The following PCDHGA4 variants were observed in gnomAD, a reference collection of about 807,000 sequenced individuals.
The protein encoded by PCDHGA4 is protocadherin gamma-A4.
A neutral mutation model predicts 54.6 loss-of-function variants in PCDHGA4; 38 were observed. The observed-to-expected ratio is 0.70, with a 90% CI of 0.54 to 0.91. The LOEUF is 0.91. Ranked by LOEUF, PCDHGA4 falls within the 40% of genes least tolerant of loss-of-function variation. The pLI, the probability that PCDHGA4 is intolerant of heterozygous loss-of-function variation, is 0.00. For missense variants in PCDHGA4, 1,298 were observed against 1,220.9 expected (o/e 1.06, Z -0.94); for synonymous variants, 511 against 512.9 (o/e 1.00, Z 0.05).
intron 1 of PCDHGA4, chr5:141,374,429 C>A: frequency 6.2e-7 from 1 of 1,613,972 alleles, no homozygotes. Context: ...TAAACTGAAT[C>A]TTTATCCCGT....
At position 141,431,421 on chromosome 5, in the gene PCDHGA4, T is replaced by A. The variant is rs2097372202; in HGVS notation, c.2515-63386T>A. On this transcript the variant is annotated intron_variant, in intron 1 of 3. Transcript: ENST00000571252. The surrounding 1 kb of genome is among the most constrained non-coding windows in gnomAD (Gnocchi z 4.8). The stretch of plus-strand genomic sequence containing the variant: ...ACGGCCTCCGACGGGGGCGACCCGG[T>A]GCGCACAGGCACCGCGCGCATCCGC... 1 of 1,613,580 alleles carries A rather than the reference T, an allele frequency of 6.2e-7. No individual in the cohort carries two copies. The highest frequency in any genetic ancestry group is 1.1e-5 in the South Asian group (1 of 91,082).
At chr5:141,426,657 A>G (rs1369635444) in intron 1 of PCDHGA4, 2 of 425,278 alleles carry the variant, frequency 4.7e-6, no homozygotes, top group Non-Finnish European at 9.7e-6. Flanking sequence ...GATAGAAGAT[A>G]TAAATGATAA....
At chr5:141,408,608 A>C in intron 1 of PCDHGA4, 1 of 1,614,072 alleles carries the variant, frequency 6.2e-7, no homozygotes, top group South Asian at 1.1e-5. Context: ...ATTTGATAAA[A>C]AGGAAATACA....
chr5:141,419,589 C>T (rs1187251820), intron 1 of PCDHGA4: 1 of 1,611,856 alleles, frequency 6.2e-7, no homozygotes, highest in Non-Finnish European at 8.5e-7. Flanking sequence ...CTCTTCGACA[C>T]AGTGCCGCGG....
intron 3 of PCDHGA4, among the ~76,000 whole-genome samples, chr5:141,507,856 A>T (rs1200072170): frequency 1.3e-5 from 2 of 151,926 alleles, no homozygotes; most frequent in Non-Finnish European, 2.9e-5. Flanking sequence ...TCTCACTTTC[A>T]CACCCGCTTC....
chr5:141,403,182 T>G (rs1458009956), intron 1 of PCDHGA4: 1 of 1,613,858 alleles, frequency 6.2e-7, no homozygotes, highest in Non-Finnish European at 8.5e-7. Context: ...CTTTTCTCTC[T>G]GAACCCGCGC....
At position 141,485,437 on chromosome 5, in the gene PCDHGA4, C is replaced by A. The variant is rs2099613420; in HGVS notation, c.2515-9370C>A. The A allele has an allele frequency of 6.2e-7, 1 of 1,614,174 alleles. No individual in the cohort carries two copies. Among genetic ancestry groups the A allele is most frequent in the Non-Finnish European group, 8.5e-7 (1 of 1,180,028 alleles). On this transcript the variant is annotated intron_variant, in intron 1 of 3. Transcript: ENST00000571252. The surrounding 1 kb of genome is among the most constrained non-coding windows in gnomAD (Gnocchi z 5.7). ...ACAGCGGAGCCCTGCTCATCAAGAA[C>A]CCAATCGACCGAGAGGCACTGTGTG...
chr5:141,415,102 A>G, intron 1 of PCDHGA4: 2 of 1,613,550 alleles, frequency 1.2e-6, no homozygotes, highest in Non-Finnish European at 8.5e-7. Flanking sequence ...AGACGCGCTC[A>G]AGCAAAGCCT....
Position 141,486,986 on chromosome 5 carries a change from T to C in PCDHGA4, c.2515-7821T>C. Reference sequence around the variant, plus strand: ...GGACTTGGATTCAGGTTACAATGCTTGGGTTTCCTATCAGCTCCTGGAGGC... The same window carrying C: ...GGACTTGGATTCAGGTTACAATGCTCGGGTTTCCTATCAGCTCCTGGAGGC... On this transcript the variant is annotated intron_variant, in intron 1 of 3. Coordinates refer to ENST00000571252, the MANE Select transcript of PCDHGA4 (RefSeq NM_018917.4). The surrounding 1 kb of genome is among the most constrained non-coding windows in gnomAD (Gnocchi z 5.0). 6.2e-7 allele frequency: 1 copy of C among 1,614,214 alleles called. No homozygotes were observed. Among genetic ancestry groups the C allele is most frequent in the South Asian group, 1.1e-5 (1 of 91,088 alleles).
At chr5:141,384,295 C>G in intron 1 of PCDHGA4, 2 of 1,613,828 alleles carry the variant, frequency 1.2e-6, no homozygotes, top group South Asian at 2.2e-5. Context: ...TGAGAACAAC[C>G]CCAGAGGGGC....
At chr5:141,479,186 T>A (rs956575218) in intron 1 of PCDHGA4, 1 of 152,590 alleles carries the variant, frequency 6.6e-6, no homozygotes, top group Non-Finnish European at 1.5e-5. Flanking sequence ...GCTAGAAAAT[T>A]CAGAAAATAC....
At chr5:141,381,078 T>C (rs1776973656) in intron 1 of PCDHGA4, among the ~76,000 whole-genome samples, 1 of 152,250 alleles carries the variant, frequency 6.6e-6, no homozygotes, top group African/African-American at 2.4e-5. Flanking sequence ...ATGGATTATT[T>C]TGATAGATCA....
intron 1 of PCDHGA4, chr5:141,413,356 C>T: frequency 6.2e-7 from 1 of 1,613,962 alleles, no homozygotes; most frequent in South Asian, 1.1e-5. Context: ...TCTGGCGCCC[C>T]GGGAGCTGGC....
At chr5:141,433,202 T>C (rs1433315739) in intron 1 of PCDHGA4, 2 of 1,578,202 alleles carry the variant, frequency 1.3e-6, no homozygotes, top group Non-Finnish European at 1.7e-6. Context: ...ATATCAAATC[T>C]TCTTTCTTTT....
intron 1 of PCDHGA4, among the ~76,000 whole-genome samples, chr5:141,469,414 A>C (rs1455286338): frequency 1.3e-5 from 2 of 152,118 alleles, no homozygotes; most frequent in Non-Finnish European, 2.9e-5. Flanking sequence ...GTTTCTACTA[A>C]AAATATAAAA....
At position 141,491,794 on chromosome 5, in the gene PCDHGA4, TC is replaced by T; in HGVS notation, c.2515-3011del. On this transcript the variant is annotated intron_variant, in intron 1 of 3. Transcript: ENST00000571252. This position sits in a 1 kb window ranked among gnomAD's most constrained non-coding sequence, Gnocchi z 6.9. ...GGGATTGAACTTGCATCCACTCCTC[TC>T]CGGCCGGCTTGGTCGCTGGCTGCGC... is the stretch of plus-strand genomic sequence containing the variant. The T allele has an allele frequency of 6.6e-7, 1 of 1,511,056 alleles. No individual in the cohort carries two copies. The highest frequency in any genetic ancestry group is 8.8e-7 in the Non-Finnish European group (1 of 1,130,146). The allele number at this position is 1,511,056 out of a possible 1,614,324, so 93.6% of individuals were successfully genotyped here.
At position 141,385,321 on chromosome 5, in the gene PCDHGA4, C is replaced by T. The variant is rs1267234548; in HGVS notation, c.2514+27700C>T. On this transcript the variant is annotated intron_variant, in intron 1 of 3. Transcript: ENST00000571252. ...ATGTAAAGAAAACCTGCCAAGTATT[C>T]AGGTGAGCCCAGCCCTTCCTTTATT... 3.7e-6 allele frequency: 6 copies of T among 1,606,764 alleles called. No homozygotes were observed. The South Asian group carries it at 6.7e-5, about 18-fold the overall frequency.
intron 1 of PCDHGA4, chr5:141,418,462 C>G: frequency 1.2e-6 from 2 of 1,613,974 alleles, no homozygotes; most frequent in Non-Finnish European, 8.5e-7. Flanking sequence ...AGACTCTGGA[C>G]CGAGAAACGC....
At position 141,423,537 on chromosome 5, in the gene PCDHGA4, T is replaced by A. The variant is rs201034039; in HGVS notation, c.2514+65916T>A. 1.4e-4 allele frequency: 225 copies of A among 1,613,694 alleles called. 2 individuals carry two copies. In the South Asian group the frequency reaches 2.3e-3, roughly 16 times the overall value. On this transcript the variant is annotated intron_variant, in intron 1 of 3. Coordinates refer to ENST00000571252, the MANE Select transcript of PCDHGA4 (RefSeq NM_018917.4). ...CGGACTCGCAGAAGAGTCACCTGAT[T>A]TTCCCCCAGCCCAACTATGGGGACA...
Sources: allele counts gnomAD v4.1 joint callset (sites outside exome capture counted in the v4.1 genomes callset), GRCh38; gene constraint gnomAD v4.1.1; non-coding constraint Gnocchi (gnomAD v3.1); transcripts MANE v1.5; gene names NCBI Gene and HGNC (gene_info 2026-07-23, HGNC 2026-07-21).